Variants in PACRG observed in about 807,000 individuals in gnomAD.
PACRG encodes the protein parkin coregulated gene protein.
PACRG carries 29 observed loss-of-function variants against 29.7 expected under a neutral mutation model. The ratio of observed to expected loss-of-function variants is 0.98; its 90% confidence interval spans 0.73 to 1.33. The LOEUF (loss-of-function observed/expected upper bound fraction) is 1.33. PACRG is among the 40% of genes most tolerant of loss of function. The pLI, the probability that PACRG is intolerant of heterozygous loss-of-function variation, is 0.00. For synonymous variants in PACRG, 116 were observed against 118.7 expected (o/e 0.98, Z 0.15); for missense variants, 279 against 316.2 (o/e 0.88, Z 0.89).
At chr6:163,146,856 T>G (rs544887531) in intron 4 of PACRG, among the ~76,000 whole-genome samples, 7 of 152,234 alleles carry the variant, frequency 4.6e-5, no homozygotes, top group Non-Finnish European at 1.0e-4. Flanking sequence ...TTGGAGATAA[T>G]ATCCTATTCA....
chr6:162,934,288 AAG>A (rs1199063652), intron 2 of PACRG, among the ~76,000 whole-genome samples: 1 of 152,132 alleles, frequency 6.6e-6, no homozygotes, highest in African/African-American at 2.4e-5. Context: ...AAATGAAAAA[AAG>A]AGAATGAGAA....
intron 4 of PACRG, among the ~76,000 whole-genome samples, chr6:163,229,812 A>G (rs1781954950): frequency 6.6e-6 from 1 of 152,184 alleles, no homozygotes; most frequent in South Asian, 2.1e-4. Flanking sequence ...CAGGCTCCAC[A>G]ATTCCTTTAG....
chr6:162,890,028 T>C (rs1276347861), intron 2 of PACRG, among the ~76,000 whole-genome samples: 1 of 152,214 alleles, frequency 6.6e-6, no homozygotes. Context: ...ATCTGGAAAA[T>C]TGGCAGGTAA....
Position 163,269,991 on chromosome 6 carries a change from GAAA to G in PACRG, c.614-44835_614-44833del, listed in dbSNP as rs1783758908. 1.7e-4 allele frequency among the ~76,000 whole-genome samples: 17 copies of G among 102,912 alleles called. 1 individual carries two copies. In the South Asian group the frequency reaches 4.5e-3, roughly 27 times the overall value. 67.5% of individuals were successfully genotyped at this position (102,912 alleles called of 152,430 possible). A position where few individuals can be genotyped will look rare whatever the true frequency, so the allele number is the denominator to read the frequency against. On this transcript the variant is annotated intron_variant, in intron 4 of 4. Transcript: ENST00000366888. ...AGAAAGAAAGAAAGAAAGAAAGAAA[GAAA>G]GAAAGAAAGAAAGGAGGGAGGGAGG...
At chr6:162,946,583 C>T (rs907902701) in intron 2 of PACRG, among the ~76,000 whole-genome samples, 5 of 152,056 alleles carry the variant, frequency 3.3e-5, no homozygotes, top group Non-Finnish European at 7.4e-5. Flanking sequence ...AACACCAATT[C>T]TCAAACTATT....
intron 1 of PACRG, among the ~76,000 whole-genome samples, chr6:162,765,738 CTATT>C (rs1383565076): frequency 1.2e-4 from 19 of 152,114 alleles, no homozygotes; most frequent in East Asian, 3.9e-4. Context: ...ACATGTATAA[CTATT>C]TAATATTTTA....
intron 1 of PACRG, among the ~76,000 whole-genome samples, chr6:162,787,558 TTGTGTGTG>T (rs377437969): frequency 2.8e-4 from 22 of 78,868 alleles, no homozygotes; most frequent in African/African-American, 1.0e-3. Context: ...TATATGGTTA[TTGTGTGTG>T]TGTGTGTGTG....
chr6:162,818,620 A>T (rs1358204153), intron 2 of PACRG, among the ~76,000 whole-genome samples: 6 of 152,206 alleles, frequency 3.9e-5, no homozygotes, highest in African/African-American at 1.4e-4. Context: ...TAACTATATC[A>T]TATTATAAAC....
chr6:162,826,126 CA>C (rs1005034283), intron 2 of PACRG, among the ~76,000 whole-genome samples: 2 of 151,600 alleles, frequency 1.3e-5, no homozygotes, highest in Admixed American at 1.3e-4. Context: ...TCCTCAAGTA[CA>C]AAAAAAATCA....
intron 2 of PACRG, among the ~76,000 whole-genome samples, chr6:162,845,395 T>A (rs1318305589): frequency 6.6e-6 from 1 of 152,008 alleles, no homozygotes; most frequent in Non-Finnish European, 1.5e-5. Flanking sequence ...TTTTTTCTTT[T>A]TTTTTTTTGG....
intron 2 of PACRG, among the ~76,000 whole-genome samples, chr6:162,905,294 G>C (rs1156898588): frequency 6.6e-6 from 1 of 152,186 alleles, no homozygotes; most frequent in Non-Finnish European, 1.5e-5. Flanking sequence ...CCTGTCATCT[G>C]TGTGAATGGA....
chr6:163,235,046 G>A (rs904357923), intron 4 of PACRG, among the ~76,000 whole-genome samples: 1 of 151,996 alleles, frequency 6.6e-6, no homozygotes, highest in African/African-American at 2.4e-5. Flanking sequence ...GAAACTGAAG[G>A]TACAAAAAAG....
intron 2 of PACRG, among the ~76,000 whole-genome samples, chr6:162,846,955 G>C (rs1322271311): frequency 1.3e-5 from 2 of 149,546 alleles, no homozygotes; most frequent in South Asian, 2.1e-4. Flanking sequence ...TGACTGCCGT[G>C]CTCCTCATGC....
Position 163,269,283 on chromosome 6 carries a change from A to G in PACRG, c.614-45544A>G, listed in dbSNP as rs140517403. On this transcript the variant is annotated intron_variant, in intron 4 of 4. Transcript: ENST00000366888. ...TCTCAGTGGGGTAGGCCTGCCAAGG[A>G]TCCCTTCCCATCCCTGGCCAAGAGG... Among the ~76,000 whole-genome samples the G allele has an allele frequency of 5.9e-5, 9 of 152,304 alleles. 1 individual carries two copies. The highest frequency in any genetic ancestry group is 2.2e-4 in the African/African-American group (9 of 41,572).
intron 1 of PACRG, among the ~76,000 whole-genome samples, chr6:162,787,582 G>GTATATATATATA (rs869254835): frequency 2.1e-4 from 13 of 62,372 alleles, no homozygotes; most frequent in Admixed American, 9.5e-4. Flanking sequence ...GTGTGTGTGT[G>GTATATATATATA]TATATATATA....
chr6:163,103,982 A>T lies in PACRG; in HGVS notation c.613+14574A>T, dbSNP rs114128954. ...CAGGTACTCTGGAAGTGTAAATTGG[A>T]TTGCCAGAAATAGCATTTCTAAGGT... is the stretch of plus-strand genomic sequence containing the variant. On this transcript the variant is annotated intron_variant, in intron 4 of 4. Coordinates refer to ENST00000366888, the MANE Select transcript of PACRG (RefSeq NM_001080379.2). 1.6e-3 allele frequency among the ~76,000 whole-genome samples: 241 copies of T among 152,270 alleles called. 2 individuals are homozygous for T. The highest frequency in any genetic ancestry group is 5.6e-3 in the African/African-American group (231 of 41,548).
intron 1 of PACRG, among the ~76,000 whole-genome samples, chr6:162,752,711 G>A (rs1781603538): frequency 6.6e-6 from 1 of 152,154 alleles, no homozygotes; most frequent in African/African-American, 2.4e-5. Flanking sequence ...CGAGAATAAT[G>A]TTGTAGTTAC....
At chr6:162,920,772 A>G (rs1305097927) in intron 2 of PACRG, among the ~76,000 whole-genome samples, 1 of 152,196 alleles carries the variant, frequency 6.6e-6, no homozygotes, top group African/African-American at 2.4e-5. Context: ...AGTACTACTA[A>G]TTTGGCTATC....
intron 2 of PACRG, among the ~76,000 whole-genome samples, chr6:162,866,519 A>G (rs369005732): frequency 2.5e-4 from 38 of 152,192 alleles, no homozygotes; most frequent in Non-Finnish European, 4.7e-4. Context: ...CTCTTTTGCT[A>G]TAACTTCTTA....
Sources: gnomAD v4.1 joint callset for allele counts (sites outside exome capture counted in the v4.1 genomes callset) on GRCh38, gnomAD v4.1.1 for gene constraint, MANE v1.5 for transcripts, NCBI Gene and HGNC (gene_info 2026-07-23, HGNC 2026-07-21) for gene names.